The following ATXN10 variants were observed in gnomAD, a reference collection of about 807,000 sequenced individuals.
The protein encoded by ATXN10 is ataxin 10, also known as ataxin-10.
Under a neutral mutation model 52.9 loss-of-function variants are expected in ATXN10, and 28 were observed. The ratio of observed to expected loss-of-function variants is 0.53; its 90% confidence interval spans 0.39 to 0.73. The LOEUF is 0.73. Among genes scored for constraint, ATXN10 ranks in the 30% least tolerant of loss-of-function variants. ATXN10 has a pLI of 0.00. For synonymous variants in ATXN10, 226 were observed against 221.5 expected, an observed-to-expected ratio of 1.02 and a Z score of -0.18; for missense variants, 565 against 577.0, an observed-to-expected ratio of 0.98 and a Z score of 0.21.
At chr22:45,689,546 T>G (rs1428393745) in intron 1 of ATXN10, 166 bp from the exon 2 acceptor site, 2 of 641,806 alleles carry the variant, frequency 3.1e-6, no homozygotes, top group Non-Finnish European at 5.5e-6. Flanking sequence ...GCATAGTAAG[T>G]GCTCAATATG....
intron 8 of ATXN10, 52 bp from the exon 9 acceptor site, chr22:45,740,317 A>G (rs561354779): frequency 1.3e-6 from 2 of 1,557,412 alleles, no homozygotes; most frequent in Admixed American, 1.7e-5. Flanking sequence ...TTAGTACAAC[A>G]TACTAAAAGT....
At chr22:45,793,487 C>A in intron 9 of ATXN10, 1 of 1,010,634 alleles carries the variant, frequency 9.9e-7, no homozygotes, top group Non-Finnish European at 1.3e-6. Context: ...ATAAATCTCT[C>A]ACTGCTCCTT....
chr22:45,716,429 G>A (rs910956517), intron 5 of ATXN10, among the ~76,000 whole-genome samples: 2 of 150,194 alleles, frequency 1.3e-5, no homozygotes, highest in Non-Finnish European at 2.9e-5. Context: ...TCTGCCTCCT[G>A]TGTTCAAGTG....
chr22:45,739,783 A>G (rs1359794540), intron 8 of ATXN10, among the ~76,000 whole-genome samples: 1 of 152,220 alleles, frequency 6.6e-6, no homozygotes, highest in East Asian at 1.9e-4. Context: ...AAACACTGAA[A>G]TGCAGTTCCT....
At chr22:45,704,331 AT>A (rs1432575986) in intron 5 of ATXN10, among the ~76,000 whole-genome samples, 2 of 151,584 alleles carry the variant, frequency 1.3e-5, no homozygotes, top group Non-Finnish European at 2.9e-5. Context: ...AACAGCTGGA[AT>A]TTTGATAAGA....
At chr22:45,832,329 G>A (rs765409344) in intron 10 of ATXN10, among the ~76,000 whole-genome samples, 1 of 152,152 alleles carries the variant, frequency 6.6e-6, no homozygotes, top group Non-Finnish European at 1.5e-5. Flanking sequence ...TCTCATCAGT[G>A]TTCCTCCATG....
In ATXN10 at chr22:45,688,015, C is replaced by T. The variant is rs1923216733; in HGVS notation, c.117-1697C>T. 6.6e-6 allele frequency among the ~76,000 whole-genome samples: 1 copy of T among 152,280 alleles called. No individual in the cohort carries two copies. The highest frequency in any genetic ancestry group is 1.9e-4 in the East Asian group (1 of 5,184). On this transcript the variant is annotated intron_variant, in intron 1 of 11. Coordinates refer to ENST00000252934, the MANE Select transcript of ATXN10 (RefSeq NM_013236.4). The surrounding 1 kb of genome is among the most constrained non-coding windows in gnomAD (Gnocchi z 4.0). The stretch of plus-strand genomic sequence containing the variant: ...GAGGTTGCAGTGAGCCAAGATTGCA[C>T]CACTGCAACTCCAGCCTGGGCGACA...
intron 10 of ATXN10, among the ~76,000 whole-genome samples, chr22:45,817,260 T>C (rs563339063): frequency 1.3e-5 from 2 of 152,090 alleles, no homozygotes; most frequent in South Asian, 4.2e-4. Context: ...TGAAAACCCA[T>C]TAGTGCTGTT....
chr22:45,717,884 T>C (rs1433535400), intron 5 of ATXN10, among the ~76,000 whole-genome samples: 1 of 152,198 alleles, frequency 6.6e-6, no homozygotes, highest in African/African-American at 2.4e-5. Flanking sequence ...ATGCCTATAA[T>C]CTTTGCCTTG....
chr22:45,797,498 T>C (rs1927785305), intron 9 of ATXN10, among the ~76,000 whole-genome samples: 1 of 152,154 alleles, frequency 6.6e-6, no homozygotes, highest in African/African-American at 2.4e-5. Flanking sequence ...TTAGAAAATA[T>C]TTTGAACTGA....
chr22:45,731,440 A>G (rs1925085516), intron 7 of ATXN10, among the ~76,000 whole-genome samples: 2 of 152,210 alleles, frequency 1.3e-5, no homozygotes, highest in South Asian at 2.1e-4. Context: ...TATGCTTAAG[A>G]TGGGTGTATT....
chr22:45,707,704 T>C (rs1924095993), intron 5 of ATXN10, among the ~76,000 whole-genome samples: 1 of 151,472 alleles, frequency 6.6e-6, no homozygotes, highest in Non-Finnish European at 1.5e-5. Context: ...TAGAGACCAC[T>C]AGAAGGAATT....
At chr22:45,735,802 A>G (rs1234827338) in intron 7 of ATXN10, among the ~76,000 whole-genome samples, 1 of 86,460 alleles carries the variant, frequency 1.2e-5, no homozygotes, top group Non-Finnish European at 2.4e-5. Flanking sequence ...TGTTCCCTTC[A>G]TTTGCTTGTC....
intron 9 of ATXN10, among the ~76,000 whole-genome samples, chr22:45,800,371 A>G (rs985132403): frequency 2.6e-5 from 4 of 152,244 alleles, no homozygotes; most frequent in African/African-American, 9.6e-5. Context: ...GTACCTGAAG[A>G]TACTTTACAT....
chr22:45,813,838 A>C (rs1193876863), intron 10 of ATXN10, among the ~76,000 whole-genome samples: 1 of 152,190 alleles, frequency 6.6e-6, no homozygotes, highest in Non-Finnish European at 1.5e-5. Flanking sequence ...AGAAAGGTAA[A>C]TTTTCGTCTG....
At position 45,819,755 on chromosome 22, in the gene ATXN10, A is replaced by G. The variant is rs1928588721; in HGVS notation, c.1237+12733A>G. On this transcript the variant is annotated intron_variant, in intron 10 of 11. Transcript: ENST00000252934. This position sits in a 1 kb window ranked among gnomAD's most constrained non-coding sequence, Gnocchi z 4.5. ...TTTCTTATGAAGTTAATTATTTGCC[A>G]ATTTTTCTTTTTGCATTAGATTAAT... is the stretch of plus-strand genomic sequence containing the variant. Among the ~76,000 whole-genome samples the G allele has an allele frequency of 6.6e-6, 1 of 152,172 alleles. No homozygotes were observed. Among genetic ancestry groups the G allele is most frequent in the Non-Finnish European group, 1.5e-5 (1 of 68,036 alleles).
chr22:45,753,763 G>A (rs1047888138), intron 9 of ATXN10, among the ~76,000 whole-genome samples: 3 of 152,078 alleles, frequency 2.0e-5, no homozygotes, highest in Non-Finnish European at 4.4e-5. Context: ...CACTGACAAT[G>A]TGACTCTGGA....
intron 10 of ATXN10, among the ~76,000 whole-genome samples, chr22:45,811,097 G>C (rs2146889137): frequency 6.6e-6 from 1 of 152,116 alleles, no homozygotes; most frequent in East Asian, 1.9e-4. Flanking sequence ...ATTTATCAGA[G>C]AGGTATTTTA....
At chr22:45,836,079 G>A (rs553566170) in intron 10 of ATXN10, among the ~76,000 whole-genome samples, 48 of 152,308 alleles carry the variant, frequency 3.2e-4, no homozygotes, top group Admixed American at 1.0e-3. Context: ...TTTAGGGAAG[G>A]AAGAGGGAGC....
Sources: allele counts gnomAD v4.1 joint callset (sites outside exome capture counted in the v4.1 genomes callset), GRCh38; gene constraint gnomAD v4.1.1; non-coding constraint Gnocchi (gnomAD v3.1); transcripts MANE v1.5; gene names NCBI Gene and HGNC (gene_info 2026-07-23, HGNC 2026-07-21).